ZNF717: variants seen among roughly 807,000 people sequenced by gnomAD.
The protein encoded by ZNF717 is krueppel-like factor X17.
ZNF717 carries 9 observed loss-of-function variants against 13.8 expected under a neutral mutation model. That is an observed-to-expected ratio of 0.65 (90% CI 0.39 to 1.14). The LOEUF is 1.14. ZNF717 is among the 50% of genes most tolerant of loss of function. ZNF717 has a pLI of 0.01. For synonymous variants in ZNF717, 327 were observed against 364.1 expected, an observed-to-expected ratio of 0.90 and a Z score of 1.16; for missense variants, 1,040 against 1,080.7, an observed-to-expected ratio of 0.96 and a Z score of 0.53.
At chr3:75,712,777 C>A (rs1177966119) in intron 5 of ZNF717, among the ~76,000 whole-genome samples, 2 of 152,296 alleles carry the variant, frequency 1.3e-5, no homozygotes, top group South Asian at 4.1e-4. Flanking sequence ...TCTTCTTTAA[C>A]ATTTCACTGT....
chr3:75,766,634 A>C (rs1184983864), intron 2 of ZNF717, among the ~76,000 whole-genome samples: 3 of 152,248 alleles, frequency 2.0e-5, no homozygotes, highest in East Asian at 1.9e-4. Context: ...CTGACGGAAC[A>C]ACCAAATAAA....
At chr3:75,767,447 GGC>G (rs1457396457) in intron 2 of ZNF717, among the ~76,000 whole-genome samples, 24 of 151,738 alleles carry the variant, frequency 1.6e-4, no homozygotes, top group Admixed American at 3.9e-4. Context: ...AACAGAATAT[GGC>G]AGCTGGAAAT....
At position 75,736,207 on chromosome 3, in the gene ZNF717, C is replaced by T. The variant is rs2918515; in HGVS notation, c.*671G>A. 53,475 of 150,922 alleles carry T rather than the reference C, an allele frequency of 0.35. 4,588 individuals carry two copies. The highest frequency in any genetic ancestry group is 0.5 in the South Asian group (2,368 of 4,770). 9.3% of individuals were successfully genotyped at this position (150,922 alleles called of 1,614,324 possible). On this transcript the variant is annotated 3_prime_UTR_variant, in exon 5 of 5. Transcript: ENST00000652011. ...GTCTCTGTTTCTCTCTTCTAGCTCC[C>T]CATTCCCCAAGATACAACAATGAAA...
intron 2 of ZNF717, among the ~76,000 whole-genome samples, chr3:75,742,890 A>T (rs1427364974): frequency 1.3e-5 from 2 of 152,260 alleles, no homozygotes; most frequent in Non-Finnish European, 2.9e-5. Context: ...ACTTATGCAC[A>T]TCCTCCTGTA....
chr3:75,724,114 C>T (rs77073636), intron 4 of ZNF717, among the ~76,000 whole-genome samples: 937 of 116,062 alleles, frequency 8.1e-3, no homozygotes, highest in Admixed American at 0.011. Context: ...GAAGGGCCTC[C>T]AACCGGTAGA....
At chr3:75,733,671 C>T (rs1326284177), downstream of ZNF717, among the ~76,000 whole-genome samples, 65 of 145,656 alleles carry the variant, frequency 4.5e-4, no homozygotes, top group Non-Finnish European at 7.6e-4. Context: ...CCTAGCTACT[C>T]GGGAGGCTGA....
At chr3:75,698,034 A>C (rs565392981) in intron 6 of ZNF717, among the ~76,000 whole-genome samples, 1 of 152,416 alleles carries the variant, frequency 6.6e-6, no homozygotes, top group East Asian at 1.9e-4. Context: ...GGGATATATA[A>C]GAGTTTGAAT....
chr3:75,713,037 A>T (rs1317582299), intron 5 of ZNF717, among the ~76,000 whole-genome samples: 10 of 151,952 alleles, frequency 6.6e-5, no homozygotes, highest in African/African-American at 2.4e-4. Flanking sequence ...GCTGGAGCCC[A>T]AGAGTTCGAG....
chr3:75,767,468 G>A (rs1943571635), intron 2 of ZNF717, among the ~76,000 whole-genome samples: 1 of 152,284 alleles, frequency 6.6e-6, no homozygotes, highest in African/African-American at 2.4e-5. Context: ...ATGAGCCGCT[G>A]TGGTAATCAG....
chr3:75,739,574 C>T (rs143662892), intron 4 of ZNF717, among the ~76,000 whole-genome samples: 188 of 140,546 alleles, frequency 1.3e-3, no homozygotes, highest in Middle Eastern at 3.9e-3. Flanking sequence ...TGAAGTTTTC[C>T]TGTTCTTTTT....
chr3:75,731,192 C>T (rs1226637506), downstream of ZNF717, among the ~76,000 whole-genome samples: 2 of 151,854 alleles, frequency 1.3e-5, no homozygotes, highest in Non-Finnish European at 2.9e-5. Flanking sequence ...ACCTGGCCCA[C>T]ATGGCAAAAC....
chr3:75,762,083 GAGAA>G (rs1278130465), intron 2 of ZNF717, among the ~76,000 whole-genome samples: 1 of 148,350 alleles, frequency 6.7e-6, no homozygotes, highest in Non-Finnish European at 1.5e-5. Flanking sequence ...AAGAAAGAGA[GAGAA>G]AGAAAAGAAA....
At chr3:75,730,472 A>C in exon 6 of ZNF717, 1 of 535,670 alleles carries the variant, frequency 1.9e-6, no homozygotes, top group Non-Finnish European at 3.2e-6. Context: ...TGGTGATGTG[A>C]AATTTGGAAA....
intron 2 of ZNF717, among the ~76,000 whole-genome samples, chr3:75,767,690 C>T (rs551027579): frequency 4.6e-5 from 7 of 152,262 alleles, no homozygotes; most frequent in South Asian, 2.1e-4. Flanking sequence ...AAGGGCACTG[C>T]ACCATCTCAG....
At chr3:75,716,417 A>T (rs1938055151) in intron 5 of ZNF717, 1 of 152,212 alleles carries the variant, frequency 6.6e-6, no homozygotes, top group South Asian at 2.1e-4. Context: ...GAAAGGACTT[A>T]CCAGAAAAGA....
In ZNF717 at chr3:75,738,907, T is replaced by C. The variant is rs1403068413; in HGVS notation, c.716A>G (p.Tyr239Cys). 6 of 1,551,424 alleles carry C rather than the reference T, an allele frequency of 3.9e-6. No individual in the cohort carries two copies. The African/African-American group carries it at 5.5e-5, about 14-fold the overall frequency. ...RVHIVQTFGK[Y>C]NEYEKACNNS... ...ATTACAGGCTTTCTCATATTCATTATATTTACCAAAGGTCTGTACTATATG... is the reference window on the plus strand; with the variant it reads ...ATTACAGGCTTTCTCATATTCATTACATTTACCAAAGGTCTGTACTATATG... The change falls in exon 5 of 5, where the codon TAT becomes TGT. Residue 239 changes from tyrosine (Y) to cysteine (C), a missense_variant. By Grantham distance (194) the Tyr-to-Cys change is radical. Around this residue, in one of 3 missense-constraint regions of ZNF717, gnomAD observed 873 missense variants for 832.8 expected, o/e 1.05. Transcript: ENST00000652011.
Position 75,783,373 on chromosome 3 carries a change from G to C in ZNF717, c.-2-9C>G. ...GAACACTGGAAACATAGCTGAGAGA[G>C]AAGGCAAATGACGTGAATTAAGGAG... On this transcript the variant is annotated splice_polypyrimidine_tract_variant and intron_variant, in intron 1 of 4. Coordinates refer to ENST00000652011, the MANE Select transcript of ZNF717 (RefSeq NM_001290208.3). 1 of 1,550,372 alleles carries C rather than the reference G, an allele frequency of 6.5e-7. No homozygotes were observed. Among genetic ancestry groups the C allele is most frequent in the Non-Finnish European group, 8.7e-7 (1 of 1,145,868 alleles).
intron 4 of ZNF717, among the ~76,000 whole-genome samples, chr3:75,720,753 C>G (rs1938152226): frequency 6.6e-6 from 1 of 152,188 alleles, no homozygotes; most frequent in South Asian, 2.1e-4. Context: ...GAAGCCGAGG[C>G]AGGAGGATCA....
At chr3:75,777,628 C>T (rs1314017280) in intron 2 of ZNF717, among the ~76,000 whole-genome samples, 1 of 150,436 alleles carries the variant, frequency 6.6e-6, no homozygotes, top group Non-Finnish European at 1.5e-5. Flanking sequence ...AACCGGAACC[C>T]AAAAAAATGG....
Sources: gnomAD v4.1 joint callset for allele counts (sites outside exome capture counted in the v4.1 genomes callset) on GRCh38, gnomAD v4.1.1 for gene constraint, gnomAD v4.1.1 regional missense constraint, MANE v1.5 for transcripts, NCBI Gene and HGNC (gene_info 2026-07-23, HGNC 2026-07-21) for gene names.